The following ITGB5 variants were observed in gnomAD, a reference collection of about 807,000 sequenced individuals.
The protein encoded by ITGB5 is integrin subunit beta 5, also known as integrin beta-5.
A neutral mutation model predicts 84.8 loss-of-function variants in ITGB5; 38 were observed. That is an observed-to-expected ratio of 0.45 (90% CI 0.35 to 0.59). ITGB5 has a LOEUF of 0.59. Among genes scored for constraint, ITGB5 ranks in the 20% least tolerant of loss-of-function variants. The probability of loss-of-function intolerance (pLI) is 0.01; values close to 1 mark genes in which losing one functional copy is unlikely to be tolerated. For synonymous variants in ITGB5, 393 were observed against 414.4 expected (o/e 0.95, Z 0.63); for missense variants, 905 against 1,034.5 (o/e 0.87, Z 1.72).
chr3:124,780,118 A>G (rs565320005), intron 10 of ITGB5, among the ~76,000 whole-genome samples: 4 of 122,218 alleles, frequency 3.3e-5, no homozygotes, highest in Non-Finnish European at 6.4e-5. Context: ...GGGCACGGGG[A>G]CCCTCAGGGA....
Position 124,815,077 on chromosome 3 carries a change from T to C in ITGB5, c.1128+2544A>G, listed in dbSNP as rs558725777. On this transcript the variant is annotated intron_variant, in intron 8 of 14. Transcript: ENST00000296181. ...TGGATTTCCACTAGGAAAATGAATG[T>C]AGATATATGAGAAATCCTGCTCAGG... 1.8e-4 allele frequency among the ~76,000 whole-genome samples: 27 copies of C among 152,332 alleles called. No homozygotes were observed. The East Asian group carries it at 5.2e-3, about 29-fold the overall frequency.
chr3:124,764,339 C>A, intron 14 of ITGB5, 52 bp downstream of exon 14: 1 of 1,566,220 alleles, frequency 6.4e-7, no homozygotes, highest in African/African-American at 1.3e-5. Context: ...CTGAACTCAA[C>A]CACGCCTCTG....
chr3:124,814,391 C>T (rs2064553463), intron 8 of ITGB5, among the ~76,000 whole-genome samples: 1 of 151,470 alleles, frequency 6.6e-6, no homozygotes, highest in Non-Finnish European at 1.5e-5. Flanking sequence ...TATACCTGTG[C>T]CAACACTCAT....
chr3:124,863,321 A>T (rs1273152400), intron 2 of ITGB5: 2 of 152,222 alleles, frequency 1.3e-5, no homozygotes, highest in Non-Finnish European at 2.9e-5. Context: ...CTCTTTTGGC[A>T]CGGAGTCCAA....
At chr3:124,848,691 T>C (rs1313559457) in intron 3 of ITGB5, 133 bp from the exon 4 acceptor site, 1 of 983,974 alleles carries the variant, frequency 1.0e-6, no homozygotes, top group Non-Finnish European at 1.5e-6. Flanking sequence ...AAGATTTTTC[T>C]TGGAAGTAAA....
In ITGB5 at chr3:124,873,488, T is replaced by C. The variant is rs753723289; in HGVS notation, c.114A>G (p.Glu38=). ...CACATTTTGGGTGGATTAGCAGACA[T>C]TCTTCACATGAGGTGGCACTTCCAC... ...CTSGSATSCE[E]CLLIHPKCAW... is the part of the protein sequence containing the mutation. Residue 38 remains glutamate (E), a synonymous_variant, in exon 2 of 15, where the codon GAA becomes GAG. Transcript: ENST00000296181. 1.2e-6 allele frequency: 2 copies of C among 1,613,816 alleles called. No individual in the cohort carries two copies. The highest frequency in any genetic ancestry group is 2.7e-5 in the African/African-American group (2 of 74,880).
chr3:124,886,741 G>C (rs1464724253), intron 1 of ITGB5, among the ~76,000 whole-genome samples, 190 bp downstream of exon 1: 1 of 151,712 alleles, frequency 6.6e-6, no homozygotes, highest in African/African-American at 2.4e-5. Flanking sequence ...GGAGACTCAC[G>C]ACAGCCCGGC....
intron 9 of ITGB5, among the ~76,000 whole-genome samples, chr3:124,803,209 G>C (rs1325000848): frequency 6.6e-6 from 1 of 152,070 alleles, no homozygotes; most frequent in African/African-American, 2.4e-5. Flanking sequence ...CTGTACACTA[G>C]GGTGTCCATC....
upstream of ITGB5, among the ~76,000 whole-genome samples, chr3:124,890,507 C>G (rs953570833): frequency 6.6e-6 from 1 of 152,122 alleles, no homozygotes; most frequent in Admixed American, 6.6e-5. Flanking sequence ...CCTTATCTAG[C>G]ATTCTTTAAG....
intron 8 of ITGB5, 64 bp from the exon 9 acceptor site, chr3:124,809,220 A>G (rs1291871941): frequency 6.9e-6 from 11 of 1,584,472 alleles, no homozygotes; most frequent in South Asian, 6.8e-5. Flanking sequence ...GTGCTCCCAC[A>G]CTGGTTTTCT....
intron 1 of ITGB5, among the ~76,000 whole-genome samples, chr3:124,877,637 C>T (rs894416833): frequency 2.0e-5 from 3 of 152,078 alleles, no homozygotes; most frequent in African/African-American, 7.2e-5. Context: ...TGACTTGAAA[C>T]AAGGAGCCCT....
At chr3:124,881,821 A>C (rs1256482313) in intron 1 of ITGB5, among the ~76,000 whole-genome samples, 1 of 152,176 alleles carries the variant, frequency 6.6e-6, no homozygotes, top group Admixed American at 6.5e-5. Context: ...TTAAAAAATA[A>C]GCCAGGTGCG....
intron 2 of ITGB5, among the ~76,000 whole-genome samples, chr3:124,863,665 T>A (rs1016079584): frequency 2.6e-5 from 4 of 152,148 alleles, no homozygotes; most frequent in Non-Finnish European, 1.5e-5. Context: ...ATTACAAGCA[T>A]GTGCTACTAT....
At chr3:124,898,941 G>A (rs938410336) in intron 1 of ITGB5, among the ~76,000 whole-genome samples, 1 of 151,826 alleles carries the variant, frequency 6.6e-6, no homozygotes, top group African/African-American at 2.4e-5. Context: ...CCAGAGAAGT[G>A]GCAAATGCCT....
intron 5 of ITGB5, among the ~76,000 whole-genome samples, chr3:124,831,400 C>T (rs1191570124): frequency 6.6e-6 from 1 of 152,094 alleles, no homozygotes; most frequent in Non-Finnish European, 1.5e-5. Context: ...GCCTGGGGAT[C>T]CCCAGGTCCA....
At chr3:124,826,012 A>G in intron 5 of ITGB5, among the ~76,000 whole-genome samples, 1 of 152,228 alleles carries the variant, frequency 6.6e-6, no homozygotes, top group East Asian at 1.9e-4. Context: ...TTATATGTAA[A>G]TATCTACAAT....
chr3:124,834,018 A>G (rs1034156526), intron 5 of ITGB5, among the ~76,000 whole-genome samples: 2 of 152,238 alleles, frequency 1.3e-5, no homozygotes, highest in African/African-American at 4.8e-5. Context: ...CTGAAATCTG[A>G]AACACAAACA....
chr3:124,796,820 G>C lies in ITGB5; in HGVS notation c.1264-3C>G, dbSNP rs779398323. The C allele has an allele frequency of 4.4e-6, 7 of 1,591,632 alleles. No homozygotes were observed. The highest frequency in any genetic ancestry group is 6.0e-6 in the Non-Finnish European group (7 of 1,166,200). ...TCCAATGATACTTCAAAAGATGCCT[G>C]GGCAGAAGGAAGAGAAGGGATATCA... On this transcript the variant is annotated splice_polypyrimidine_tract_variant and splice_region_variant and intron_variant, in intron 9 of 14. Transcript: ENST00000296181.
At chr3:124,888,510 T>G (rs1052886541), upstream of ITGB5, among the ~76,000 whole-genome samples, 1 of 152,120 alleles carries the variant, frequency 6.6e-6, no homozygotes, top group Non-Finnish European at 1.5e-5. Flanking sequence ...GAGGCGACAT[T>G]CAGGTAGGGG....
Sources: allele counts gnomAD v4.1 joint callset (sites outside exome capture counted in the v4.1 genomes callset), GRCh38; gene constraint gnomAD v4.1.1; transcripts MANE v1.5; gene names NCBI Gene and HGNC (gene_info 2026-07-23, HGNC 2026-07-21).